Variants in PTPRR observed in about 807,000 individuals in gnomAD.
PTPRR encodes the protein protein tyrosine phosphatase receptor type R, also known as receptor-type tyrosine-protein phosphatase R.
A neutral mutation model predicts 77.2 loss-of-function variants in PTPRR; 38 were observed. The ratio of observed to expected loss-of-function variants is 0.49; its 90% CI spans 0.38 to 0.65. The LOEUF is 0.65. Ranked by LOEUF, PTPRR falls within the 30% of genes least tolerant of loss-of-function variation. PTPRR has a pLI of 0.00. For synonymous variants in PTPRR, 299 were observed against 283.1 expected (o/e 1.06, Z -0.57); for missense variants, 744 against 799.2 (o/e 0.93, Z 0.83).
chr12:70,861,661 T>C (rs919307754), intron 2 of PTPRR, among the ~76,000 whole-genome samples: 14 of 152,102 alleles, frequency 9.2e-5, no homozygotes, highest in African/African-American at 3.4e-4. Context: ...CACAGTTGGA[T>C]CACAGAGACC....
intron 6 of PTPRR, among the ~76,000 whole-genome samples, chr12:70,737,928 A>G (rs914060334): frequency 6.6e-6 from 1 of 152,202 alleles, no homozygotes; most frequent in Non-Finnish European, 1.5e-5. Flanking sequence ...CCAAAAAGAG[A>G]TCAGTGGAGG....
chr12:70,888,685 T>C (rs1370187773), intron 2 of PTPRR, among the ~76,000 whole-genome samples: 4 of 152,178 alleles, frequency 2.6e-5, no homozygotes, highest in South Asian at 2.1e-4. Context: ...CCTTAACACA[T>C]ATTAATTCAA....
chr12:70,711,062 T>C (rs1888809463), intron 6 of PTPRR, among the ~76,000 whole-genome samples: 1 of 152,132 alleles, frequency 6.6e-6, no homozygotes, highest in Non-Finnish European at 1.5e-5. Flanking sequence ...GGAATATAAA[T>C]TGCTCTATTA....
intron 2 of PTPRR, among the ~76,000 whole-genome samples, chr12:70,818,754 A>G: frequency 6.6e-6 from 1 of 152,268 alleles, no homozygotes; most frequent in Middle Eastern, 3.4e-3. Flanking sequence ...TAAGATATTT[A>G]TATTAAAGAT....
chr12:70,777,732 C>T (rs138096128), intron 2 of PTPRR, among the ~76,000 whole-genome samples: 184 of 152,238 alleles, frequency 1.2e-3, no homozygotes, highest in African/African-American at 3.9e-3. Context: ...CAGGGTCACC[C>T]TAAAACTGCA....
At chr12:70,877,399 C>T (rs1377401479) in intron 2 of PTPRR, among the ~76,000 whole-genome samples, 2 of 152,198 alleles carry the variant, frequency 1.3e-5, no homozygotes, top group African/African-American at 4.8e-5. Flanking sequence ...ACCATGATAA[C>T]TGACATAATT....
intron 8 of PTPRR, among the ~76,000 whole-genome samples, chr12:70,691,729 T>C (rs1888062647): frequency 6.6e-6 from 1 of 152,196 alleles, no homozygotes; most frequent in South Asian, 2.1e-4. Context: ...TGCATTTGAA[T>C]GTTAGCATAT....
chr12:70,781,509 G>T (rs764802062), intron 2 of PTPRR, among the ~76,000 whole-genome samples: 1 of 152,220 alleles, frequency 6.6e-6, no homozygotes, highest in African/African-American at 2.4e-5. Context: ...GATCCTCACT[G>T]CAACTCACAT....
rs1010005402 is a variant in PTPRR at position 70,830,141 on chromosome 12, A to C, written c.357+62538T>G. 4.6e-5 allele frequency among the ~76,000 whole-genome samples: 7 copies of C among 152,194 alleles called. No homozygotes were observed. The South Asian group carries it at 8.3e-4, about 18-fold the overall frequency. Reference sequence around the variant, plus strand: ...AAAAGCGTGCTCCTGCGGCAGTATTAGGGCCTGGGGTAGAAATATTGATGT... The same window carrying C: ...AAAAGCGTGCTCCTGCGGCAGTATTCGGGCCTGGGGTAGAAATATTGATGT... On this transcript the variant is annotated intron_variant, in intron 2 of 13. Transcript: ENST00000283228.
At chr12:70,694,889 GTATTA>G (rs1888178278) in intron 8 of PTPRR, among the ~76,000 whole-genome samples, 2 of 152,010 alleles carry the variant, frequency 1.3e-5, no homozygotes, top group Admixed American at 6.6e-5. Flanking sequence ...TATTATTACA[GTATTA>G]TATTTTATTG....
intron 2 of PTPRR, among the ~76,000 whole-genome samples, chr12:70,869,622 T>A (rs764658183): frequency 6.6e-6 from 1 of 152,118 alleles, no homozygotes; most frequent in Non-Finnish European, 1.5e-5. Context: ...CCTGGATTAG[T>A]AGGCCCAATA....
At chr12:70,817,869 CT>C (rs1891933123) in intron 2 of PTPRR, among the ~76,000 whole-genome samples, 2 of 152,200 alleles carry the variant, frequency 1.3e-5, no homozygotes, top group Non-Finnish European at 2.9e-5. Flanking sequence ...CTGAAATTAT[CT>C]TTTTAAAATT....
At chr12:70,765,467 C>T (rs934381172) in intron 2 of PTPRR, among the ~76,000 whole-genome samples, 17 of 152,268 alleles carry the variant, frequency 1.1e-4, no homozygotes, top group African/African-American at 2.6e-4. Flanking sequence ...GAGGGGTGCC[C>T]GCCATTGCCC....
At chr12:70,847,281 T>G (rs1436929759) in intron 2 of PTPRR, among the ~76,000 whole-genome samples, 1 of 152,190 alleles carries the variant, frequency 6.6e-6, no homozygotes, top group East Asian at 1.9e-4. Flanking sequence ...GAGTAGCTGG[T>G]CATTAATTGT....
chr12:70,716,486 T>C (rs754135372), intron 6 of PTPRR, among the ~76,000 whole-genome samples: 5 of 152,168 alleles, frequency 3.3e-5, no homozygotes, highest in Non-Finnish European at 7.3e-5. Context: ...TTTTGTAATA[T>C]ATATGTTTTA....
At chr12:70,684,640 GAAAAT>G in intron 9 of PTPRR, 59 bp downstream of exon 9, 1 of 1,171,808 alleles carries the variant, frequency 8.5e-7, no homozygotes, top group South Asian at 1.4e-5. Flanking sequence ...CTAGGAAAAA[GAAAAT>G]AAAACCAACA....
At chr12:70,671,914 T>G in intron 10 of PTPRR, 1 of 881,156 alleles carries the variant, frequency 1.1e-6, no homozygotes, top group Admixed American at 2.2e-5. Flanking sequence ...GCCGCCAGGC[T>G]CTGATGCTGG....
intron 10 of PTPRR, among the ~76,000 whole-genome samples, chr12:70,666,667 T>C (rs1015091180): frequency 2.6e-5 from 4 of 152,140 alleles, no homozygotes; most frequent in African/African-American, 9.6e-5. Context: ...AAAATCTAAA[T>C]AGAAAACTGC....
intron 2 of PTPRR, among the ~76,000 whole-genome samples, chr12:70,858,266 T>TC (rs1892687129): frequency 6.6e-6 from 1 of 152,154 alleles, no homozygotes; most frequent in South Asian, 2.1e-4. Context: ...CTGCTCCCTT[T>TC]CCCCACTTTC....
Sources: allele counts gnomAD v4.1 joint callset (sites outside exome capture counted in the v4.1 genomes callset), GRCh38; gene constraint gnomAD v4.1.1; transcripts MANE v1.5; gene names NCBI Gene and HGNC (gene_info 2026-07-23, HGNC 2026-07-21).